Variants in MEF2D observed in about 807,000 individuals in gnomAD.
MEF2D encodes the protein myocyte enhancer factor 2D.
MEF2D carries 10 observed loss-of-function variants against 59.3 expected under a neutral mutation model. The observed-to-expected ratio is 0.17, with a 90% CI of 0.10 to 0.29. The LOEUF (loss-of-function observed/expected upper bound fraction) is 0.29. Among genes scored for constraint, MEF2D ranks in the 10% least tolerant of loss-of-function variants. The pLI is 1.00. For synonymous variants in MEF2D, 305 were observed against 295.0 expected (o/e 1.03, Z -0.35); for missense variants, 508 against 699.4 (o/e 0.73, Z 3.09).
At chr1:156,467,951 T>C in intron 11 of MEF2D, 42 bp downstream of exon 11, 2 of 1,580,778 alleles carry the variant, frequency 1.3e-6, no homozygotes, top group Non-Finnish European at 1.7e-6. Flanking sequence ...AGTCCCTGGG[T>C]GTAGCAGACA....
In MEF2D at chr1:156,468,124, C is replaced by T. The variant is rs140205006; in HGVS notation, c.1423G>A (p.Gly475Arg). ...CGGTCTCCCGTCTCATAGGATCCCC[C>T]GGCTGGGCTGCTGAGACCATCGCCA... The part of the protein sequence containing the change: ...EPGDGLSSPA[G>R]GSYETGDRDD... The change falls in exon 11 of 12, where the codon GGG becomes AGG. Residue 475 changes from glycine to arginine, a missense_variant. Gly to Arg is a moderately radical substitution (Grantham distance 125). Coordinates refer to ENST00000348159, the MANE Select transcript of MEF2D (RefSeq NM_005920.4). The surrounding 1 kb of genome is among the most constrained non-coding windows in gnomAD (Gnocchi z 4.3). The T allele has an allele frequency of 4.3e-4, 701 of 1,613,862 alleles. No individual in the cohort carries two copies. Among genetic ancestry groups the T allele is most frequent in the Non-Finnish European group, 5.5e-4 (648 of 1,179,930 alleles).
At chr1:156,469,918 A>C (rs539499959) in intron 9 of MEF2D, among the ~76,000 whole-genome samples, 2 of 152,260 alleles carry the variant, frequency 1.3e-5, no homozygotes, top group Non-Finnish European at 1.5e-5. Flanking sequence ...CTTTCATAAC[A>C]ATTTAAAAAA....
At chr1:156,486,942 A>G (rs1228157773) in intron 1 of MEF2D, among the ~76,000 whole-genome samples, 1 of 152,132 alleles carries the variant, frequency 6.6e-6, no homozygotes, top group Non-Finnish European at 1.5e-5. Context: ...TCCTCTATGG[A>G]GCTAGAACCC....
Position 156,483,357 on chromosome 1 carries a change from CTT to C in MEF2D, c.-67_-66del. ...CGCTGGGTGGTGGGTCTCGGCACACCTTACACTGTGCTCATGAACGGTCTGGG... is the reference window on the plus strand; with the variant it reads ...CGCTGGGTGGTGGGTCTCGGCACACCACACTGTGCTCATGAACGGTCTGGG... On this transcript the variant is annotated 5_prime_UTR_variant, in exon 2 of 12. It removes the in-frame stop codon of an upstream open reading frame in the 5' UTR. Coordinates refer to ENST00000348159, the MANE Select transcript of MEF2D (RefSeq NM_005920.4). 6.9e-7 allele frequency: 1 copy of C among 1,442,248 alleles called. No homozygotes were observed. Among genetic ancestry groups the C allele is most frequent in the Non-Finnish European group, 9.8e-7 (1 of 1,023,756 alleles). The allele number at this position is 1,442,248 out of a possible 1,614,324, so 89.3% of individuals were successfully genotyped here.
At chr1:156,478,974 C>T (rs752963061) in intron 6 of MEF2D, among the ~76,000 whole-genome samples, 25 of 152,150 alleles carry the variant, frequency 1.6e-4, no homozygotes, top group Admixed American at 2.6e-4. Flanking sequence ...AGGGAACGCC[C>T]GGCATTCTCA....
rs1054861545 is a variant in MEF2D, at chr1:156,496,611, C to T, written c.-139+3875G>A. 8.5e-5 allele frequency among the ~76,000 whole-genome samples: 13 copies of T among 152,308 alleles called. No homozygotes were observed. In the East Asian group the frequency reaches 9.6e-4, roughly 11 times the overall value. ...TCTTCAAAGTTCTTGCTATGCCCTT[C>T]GCCTTCTTGCCTCCGGTCCCCTCAA... On this transcript the variant is annotated intron_variant, in intron 1 of 11. Transcript: ENST00000348159.
Position 156,475,156 on chromosome 1 carries a change from G to A in MEF2D, c.958C>T (p.Leu320Phe). The A allele has an allele frequency of 6.2e-7, 1 of 1,614,256 alleles. No homozygotes were observed. The highest frequency in any genetic ancestry group is 1.1e-5 in the South Asian group (1 of 91,090). Reference protein sequence around the residue: ...PVVSVATPSLLSQGLPFSSMP... With the variant: ...PVVSVATPSLFSQGLPFSSMP... ...GAAGAGAAGGGGAGGCCCTGGCTGA[G>A]TAAACTCGGCGTTGCCACAGAAACC... Residue 320 changes from leucine to phenylalanine, a missense_variant, in exon 9 of 12, where the codon CTC (leucine) becomes TTC (phenylalanine). Physicochemically the swap from Leu to Phe is conservative, Grantham distance 22 (BLOSUM62 0). Transcript: ENST00000348159.
In MEF2D at chr1:156,483,460, G is replaced by C. The variant is rs1466613836; in HGVS notation, c.-138-30C>G. On this transcript the variant is annotated intron_variant, in intron 1 of 11. Transcript: ENST00000348159. ...AAAGGGAGGGTCATGAGAGGTCTCT[G>C]AGCCCCCAAAACCCCCAGCCCTGCT... 1.1e-5 allele frequency: 7 copies of C among 648,376 alleles called. No homozygotes were observed. In the Admixed American group the frequency reaches 1.1e-4, roughly 10 times the overall value. The allele number at this position is 648,376 out of a possible 1,614,324, so 40.2% of individuals were successfully genotyped here.
chr1:156,493,648 T>C (rs939748848), intron 1 of MEF2D, among the ~76,000 whole-genome samples: 1 of 152,172 alleles, frequency 6.6e-6, no homozygotes, highest in Non-Finnish European at 1.5e-5. Flanking sequence ...TACCAATACC[T>C]GGCTTCTCAC....
chr1:156,479,471 CA>C, intron 5 of MEF2D, 114 bp downstream of exon 5: 1 of 1,489,148 alleles, frequency 6.7e-7, no homozygotes, highest in South Asian at 1.2e-5. Flanking sequence ...AGGAGCCATA[CA>C]AATGGCGGAA....
intron 9 of MEF2D, among the ~76,000 whole-genome samples, chr1:156,474,823 A>C (rs1269264995): frequency 6.6e-6 from 1 of 152,250 alleles, no homozygotes; most frequent in Non-Finnish European, 1.5e-5. Context: ...AAAGAAAAAA[A>C]AAACAAACCC....
intron 4 of MEF2D, 87 bp downstream of exon 4, chr1:156,480,745 GCT>G: frequency 6.2e-7 from 1 of 1,611,026 alleles, no homozygotes; most frequent in Non-Finnish European, 8.5e-7. Context: ...CCACCTCAGG[GCT>G]CTCACATTCC....
At chr1:156,475,834 GC>G (rs1346091081) in intron 8 of MEF2D, among the ~76,000 whole-genome samples, 2 of 152,230 alleles carry the variant, frequency 1.3e-5, no homozygotes, top group Non-Finnish European at 2.9e-5. Flanking sequence ...GGAGGGAGGA[GC>G]CCCCGCCCCA....
intron 9 of MEF2D, among the ~76,000 whole-genome samples, chr1:156,470,673 T>C (rs948613217): frequency 2.0e-5 from 3 of 152,188 alleles, no homozygotes; most frequent in African/African-American, 2.4e-5. Flanking sequence ...ACTTAGGCCA[T>C]GTGACCTTGG....
chr1:156,474,727 T>C (rs1208669337), intron 9 of MEF2D, among the ~76,000 whole-genome samples: 1 of 152,112 alleles, frequency 6.6e-6, no homozygotes, highest in Non-Finnish European at 1.5e-5. Flanking sequence ...GGAGGATCAC[T>C]TGAGCCCAGG....
At chr1:156,477,532 G>A (rs561787154) in intron 6 of MEF2D, among the ~76,000 whole-genome samples, 1 of 152,284 alleles carries the variant, frequency 6.6e-6, no homozygotes, top group East Asian at 1.9e-4. Flanking sequence ...AGGTTCTTCT[G>A]TACCCAAGCC....
intron 9 of MEF2D, among the ~76,000 whole-genome samples, chr1:156,473,171 C>T (rs1671347579): frequency 6.6e-6 from 1 of 151,970 alleles, no homozygotes; most frequent in African/African-American, 2.4e-5. Context: ...GTACGTGCCA[C>T]TACACCCAGT....
intron 1 of MEF2D, among the ~76,000 whole-genome samples, chr1:156,494,472 C>T (rs1161253230): frequency 3.3e-5 from 5 of 152,086 alleles, no homozygotes; most frequent in Admixed American, 2.0e-4. Context: ...GACAAGGAGA[C>T]GGCTGGATGG....
intron 1 of MEF2D, among the ~76,000 whole-genome samples, chr1:156,488,337 C>G (rs1672509443): frequency 6.6e-6 from 1 of 152,184 alleles, no homozygotes; most frequent in East Asian, 1.9e-4. Flanking sequence ...CATACCAGCA[C>G]AGGTCAAAAG....
Sources: allele counts gnomAD v4.1 joint callset (sites outside exome capture counted in the v4.1 genomes callset), GRCh38; gene constraint gnomAD v4.1.1; non-coding constraint Gnocchi (gnomAD v3.1); transcripts MANE v1.5; gene names NCBI Gene and HGNC (gene_info 2026-07-23, HGNC 2026-07-21).